The following NRG4 variants were observed in gnomAD, a reference collection of about 807,000 sequenced individuals.
NRG4 encodes the protein pro-neuregulin-4, membrane-bound isoform.
A neutral mutation model predicts 15.0 loss-of-function variants in NRG4; 10 were observed. The observed-to-expected ratio is 0.67, with a 90% confidence interval of 0.41 to 1.13. The LOEUF is 1.13. Among genes scored for constraint, NRG4 ranks in the 50% most tolerant of loss-of-function variants. NRG4 has a pLI of 0.00. For synonymous variants in NRG4, 41 were observed against 50.1 expected (o/e 0.82, Z 0.77); for missense variants, 139 against 140.2 (o/e 0.99, Z 0.04).
At chr15:75,949,661 G>C (rs2031761812) in intron 5 of NRG4, among the ~76,000 whole-genome samples, 2 of 151,986 alleles carry the variant, frequency 1.3e-5, no homozygotes, top group African/African-American at 4.8e-5. Flanking sequence ...AAAAATCTTT[G>C]CCTAATTCAA....
intron 5 of NRG4, among the ~76,000 whole-genome samples, chr15:75,946,431 C>G (rs2031512104): frequency 6.6e-6 from 1 of 152,194 alleles, no homozygotes; most frequent in Non-Finnish European, 1.5e-5. Context: ...GATCTCAGCT[C>G]ACTGCAAGCT....
At chr15:76,020,460 A>G (rs2035118850) in intron 5 of NRG4, among the ~76,000 whole-genome samples, 1 of 152,248 alleles carries the variant, frequency 6.6e-6, no homozygotes, top group Admixed American at 6.5e-5. Context: ...AGAAAGTTTT[A>G]GTGATCTGGA....
chr15:76,004,617 A>AT (rs1196564969), intron 3 of NRG4, among the ~76,000 whole-genome samples: 9 of 149,868 alleles, frequency 6.0e-5, no homozygotes, highest in South Asian at 2.1e-4. Flanking sequence ...AAAAAAAAAA[A>AT]TTTTTTTTTA....
At chr15:76,029,868 A>G (rs918807267) in intron 5 of NRG4, among the ~76,000 whole-genome samples, 1 of 152,348 alleles carries the variant, frequency 6.6e-6, no homozygotes, top group South Asian at 2.1e-4. Context: ...TACAGATTCA[A>G]TGCAATCCCT....
intron 3 of NRG4, among the ~76,000 whole-genome samples, chr15:75,989,571 A>G (rs188763183): frequency 6.6e-6 from 1 of 152,086 alleles, no homozygotes; most frequent in East Asian, 1.9e-4. Flanking sequence ...TTAATATTTT[A>G]TTCTGCGGTA....
At chr15:76,029,297 T>C (rs74578811) in intron 5 of NRG4, among the ~76,000 whole-genome samples, 2,071 of 152,112 alleles carry the variant, frequency 0.014, 56 homozygotes, top group African/African-American at 0.047. Flanking sequence ...AGAAGGAAAA[T>C]ACCTTAACAA....
At chr15:76,048,152 CAAAA>C (rs113391379) in intron 4 of NRG4, among the ~76,000 whole-genome samples, 3 of 68,752 alleles carry the variant, frequency 4.4e-5, no homozygotes, top group African/African-American at 5.1e-5. Flanking sequence ...AACCCTGTTT[CAAAA>C]AAAAAAAAAA....
chr15:76,025,825 C>CA (rs1275961042), intron 5 of NRG4, among the ~76,000 whole-genome samples: 1 of 151,558 alleles, frequency 6.6e-6, no homozygotes, highest in Admixed American at 6.6e-5. Flanking sequence ...TGCAGTAAGC[C>CA]AAAATCGCAT....
At chr15:76,007,639 C>T (rs1472477031) in intron 3 of NRG4, among the ~76,000 whole-genome samples, 1 of 152,100 alleles carries the variant, frequency 6.6e-6, no homozygotes, top group African/African-American at 2.4e-5. Context: ...CCGTGTTAGC[C>T]AGGGTGGTCT....
chr15:76,016,597 C>T (rs953002439), upstream of NRG4, among the ~76,000 whole-genome samples: 2 of 152,122 alleles, frequency 1.3e-5, no homozygotes, highest in African/African-American at 4.8e-5. Flanking sequence ...GTTATTTACC[C>T]ATCAGTCACT....
intron 2 of NRG4, among the ~76,000 whole-genome samples, chr15:76,055,005 C>T (rs1008042374): frequency 6.8e-6 from 1 of 147,756 alleles, no homozygotes; most frequent in African/African-American, 2.5e-5. Flanking sequence ...GGGGGCCGGG[C>T]ACAGTGGCTC....
At chr15:76,059,799 G>GGCGC (rs911755210), upstream of NRG4, 1 of 147,228 alleles carries the variant, frequency 6.8e-6, no homozygotes, top group Admixed American at 6.7e-5. Context: ...CAGCCTCGGG[G>GGCGC]GCGCGCGCGC....
chr15:75,989,242 G>A (rs1474516622), intron 3 of NRG4, among the ~76,000 whole-genome samples: 2 of 152,156 alleles, frequency 1.3e-5, no homozygotes, highest in African/African-American at 4.8e-5. Context: ...AAAGAATGTT[G>A]TATTTCTAAG....
At chr15:76,047,933 A>C (rs932473798) in intron 4 of NRG4, among the ~76,000 whole-genome samples, 1 of 150,904 alleles carries the variant, frequency 6.6e-6, no homozygotes, top group Admixed American at 6.6e-5. Context: ...AGGTGGGAGG[A>C]TCACCTGAGC....
intron 3 of NRG4, among the ~76,000 whole-genome samples, chr15:75,984,173 C>T (rs2033707408): frequency 6.6e-6 from 1 of 152,038 alleles, no homozygotes; most frequent in Non-Finnish European, 1.5e-5. Flanking sequence ...CATCGGTGAA[C>T]CCTGAACTAT....
intron 5 of NRG4, among the ~76,000 whole-genome samples, chr15:75,949,270 G>C (rs546696603): frequency 2.3e-4 from 35 of 152,094 alleles, no homozygotes; most frequent in African/African-American, 8.4e-4. Context: ...CACTAGCCAG[G>C]TGTAGTGGCA....
chr15:76,047,583 C>A (rs533644461), intron 4 of NRG4, among the ~76,000 whole-genome samples: 2 of 150,074 alleles, frequency 1.3e-5, no homozygotes, highest in South Asian at 4.2e-4. Flanking sequence ...CTCATGAAGA[C>A]AGAGAGTAGA....
At chr15:75,990,919 TC>T (rs1377457522) in intron 3 of NRG4, among the ~76,000 whole-genome samples, 2 of 152,018 alleles carry the variant, frequency 1.3e-5, no homozygotes, top group Non-Finnish European at 2.9e-5. Flanking sequence ...AAATTGTTCC[TC>T]CCACCTCAGC....
At chr15:75,960,697 A>C (rs545897613) in intron 4 of NRG4, among the ~76,000 whole-genome samples, 1 of 152,328 alleles carries the variant, frequency 6.6e-6, no homozygotes, top group South Asian at 2.1e-4. Flanking sequence ...CCTAGATTCA[A>C]GGAATCTGTA....
Sources: gnomAD v4.1 joint callset for allele counts (sites outside exome capture counted in the v4.1 genomes callset) on GRCh38, gnomAD v4.1.1 for gene constraint, MANE v1.5 for transcripts, NCBI Gene and HGNC (gene_info 2026-07-23, HGNC 2026-07-21) for gene names.